The following DNAH8 variants were observed in gnomAD, a reference collection of about 807,000 sequenced individuals.
DNAH8 encodes dynein axonemal heavy chain 8.
Under a neutral mutation model 562.1 loss-of-function variants are expected in DNAH8, and 382 were observed. The observed-to-expected ratio is 0.68, with a 90% confidence interval of 0.63 to 0.74. The LOEUF (loss-of-function observed/expected upper bound fraction) is 0.74, where lower values mean the gene tolerates loss of function less well. Ranked by LOEUF, DNAH8 falls within the 30% of genes least tolerant of loss-of-function variation. The pLI is 0.00. For missense variants in DNAH8, 5,203 were observed against 5,620.4 expected, an observed-to-expected ratio of 0.93 and a Z score of 2.37; for synonymous variants, 1,881 against 1,919.4, an observed-to-expected ratio of 0.98 and a Z score of 0.52.
chr6:38,728,646 G>A (rs1763419438), intron 3 of DNAH8, among the ~76,000 whole-genome samples: 1 of 152,116 alleles, frequency 6.6e-6, no homozygotes, highest in Non-Finnish European at 1.5e-5. Context: ...AAGTATATAC[G>A]GGAGGTGGAA....
chr6:38,894,276 G>A (rs1199119133), intron 58 of DNAH8, among the ~76,000 whole-genome samples: 1 of 152,164 alleles, frequency 6.6e-6, no homozygotes, highest in African/African-American at 2.4e-5. Context: ...TAACTTTAAA[G>A]GTGAACATTC....
At chr6:38,837,857 A>G in intron 32 of DNAH8, 85 bp from the exon 33 acceptor site, 1 of 969,532 alleles carries the variant, frequency 1.0e-6, no homozygotes, top group Non-Finnish European at 1.6e-6. Flanking sequence ...ACCTCAACCT[A>G]GCTTTTATCC....
chr6:38,911,446 C>G (rs376264667), intron 65 of DNAH8, 22 bp from the exon 66 acceptor site: 2 of 1,527,562 alleles, frequency 1.3e-6, no homozygotes, highest in Non-Finnish European at 9.1e-7. Flanking sequence ...TTGAAATGGT[C>G]CTTTTAATGT....
At chr6:39,027,585 T>C (rs1767381477) in intron 92 of DNAH8, among the ~76,000 whole-genome samples, 1 of 152,204 alleles carries the variant, frequency 6.6e-6, no homozygotes, top group East Asian at 1.9e-4. Flanking sequence ...CCCAGCACTT[T>C]GGGAGGCCAA....
chr6:38,870,709 A>G (rs372389958), intron 49 of DNAH8, 147 bp downstream of exon 49: 21 of 838,964 alleles, frequency 2.5e-5, no homozygotes, highest in Middle Eastern at 3.5e-4. Flanking sequence ...GAATACTTGG[A>G]AGGATGTGGT....
chr6:38,933,801 G>A (rs1782742388), intron 76 of DNAH8, among the ~76,000 whole-genome samples: 2 of 152,144 alleles, frequency 1.3e-5, no homozygotes, highest in South Asian at 4.1e-4. Flanking sequence ...GTTACTGGCA[G>A]AGACCGGCCT....
chr6:39,027,552 G>A (rs1280370252), intron 92 of DNAH8, among the ~76,000 whole-genome samples: 5 of 152,194 alleles, frequency 3.3e-5, no homozygotes, highest in Admixed American at 2.6e-4. Context: ...TTGTGGCCAG[G>A]CACGGTGGCT....
rs1312936345 is a variant in DNAH8, at chr6:38,962,572, T to A, written c.12452-9020T>A. ...CAGTAAACAATGTTGAGATAGCAGG[T>A]TAACTTTAGTAAACATAAAAGTTTT... On this transcript the variant is annotated intron_variant, in intron 82 of 92. Coordinates refer to ENST00000327475, the MANE Select transcript of DNAH8 (RefSeq NM_001206927.2). Among the ~76,000 whole-genome samples, 3 of 152,202 alleles carry A rather than the reference T, an allele frequency of 2.0e-5. No individual in the cohort carries two copies. In the East Asian group the frequency reaches 5.8e-4, roughly 29 times the overall value.
chr6:38,928,431 C>A (rs1241917559), intron 74 of DNAH8, among the ~76,000 whole-genome samples: 2 of 152,082 alleles, frequency 1.3e-5, no homozygotes, highest in Non-Finnish European at 2.9e-5. Flanking sequence ...CATTAAAGTT[C>A]TTTGTTTAGA....
chr6:38,795,219 T>G (rs368267256), intron 21 of DNAH8, among the ~76,000 whole-genome samples: 3 of 152,314 alleles, frequency 2.0e-5, no homozygotes, highest in East Asian at 3.9e-4. Flanking sequence ...CCAAAACTTT[T>G]TCATCATCTC....
At chr6:38,978,791 G>A (rs1763840277) in intron 85 of DNAH8, among the ~76,000 whole-genome samples, 1 of 152,114 alleles carries the variant, frequency 6.6e-6, no homozygotes, top group African/African-American at 2.4e-5. Context: ...GTTCTAAGGA[G>A]TTTTTCATGA....
At chr6:38,965,696 C>T (rs1203412397) in intron 82 of DNAH8, among the ~76,000 whole-genome samples, 2 of 152,172 alleles carry the variant, frequency 1.3e-5, no homozygotes, top group Non-Finnish European at 2.9e-5. Context: ...TCCAATGTTT[C>T]CTGCATACAC....
intron 69 of DNAH8, 129 bp downstream of exon 69, chr6:38,917,535 C>CTTT: frequency 1.3e-6 from 1 of 757,374 alleles, no homozygotes. Context: ...TTATCTTAAA[C>CTTT]TCCATCACCT....
chr6:38,896,269 C>A, intron 60 of DNAH8, 44 bp downstream of exon 60: 1 of 1,472,766 alleles, frequency 6.8e-7, no homozygotes, highest in Non-Finnish European at 9.4e-7. Context: ...GATTGCTCAC[C>A]TGACTAGATC....
chr6:38,981,516 G>A (rs1176000861), intron 85 of DNAH8, among the ~76,000 whole-genome samples: 1 of 152,182 alleles, frequency 6.6e-6, no homozygotes, highest in African/African-American at 2.4e-5. Context: ...AGGGTCATGT[G>A]AAAGTTTCAA....
intron 21 of DNAH8, among the ~76,000 whole-genome samples, chr6:38,793,229 C>G (rs1172314860): frequency 6.6e-6 from 1 of 152,142 alleles, no homozygotes; most frequent in African/African-American, 2.4e-5. Context: ...TCATGGCTCA[C>G]TGCAGACTAG....
chr6:38,936,481 T>C (rs953140499), intron 77 of DNAH8: 3 of 152,196 alleles, frequency 2.0e-5, no homozygotes, highest in Admixed American at 2.0e-4. Flanking sequence ...GAAACCTGAA[T>C]TCTACTACCT....
chr6:38,726,608 G>T (rs1763240691), intron 3 of DNAH8, among the ~76,000 whole-genome samples: 1 of 152,178 alleles, frequency 6.6e-6, no homozygotes, highest in Non-Finnish European at 1.5e-5. Flanking sequence ...ATTTCCTTAA[G>T]AGTTGCTTGT....
chr6:38,838,128 C>G (rs1774453993), intron 33 of DNAH8, 86 bp downstream of exon 33: 6 of 831,232 alleles, frequency 7.2e-6, no homozygotes, highest in African/African-American at 3.5e-5. Context: ...AATCCTTTAT[C>G]ATGCAGAGGA....
Sources: gnomAD v4.1 joint callset for allele counts (sites outside exome capture counted in the v4.1 genomes callset) on GRCh38, gnomAD v4.1.1 for gene constraint, MANE v1.5 for transcripts, NCBI Gene and HGNC (gene_info 2026-07-23, HGNC 2026-07-21) for gene names.